Variants in KCNG2 observed in about 807,000 individuals in gnomAD.
The protein encoded by KCNG2 is voltage-gated potassium channel regulatory subunit KCNG2.
In KCNG2, 7 loss-of-function variants were observed where a neutral mutation model predicts 12.3. That is an observed-to-expected ratio of 0.57 (90% CI 0.32 to 1.07). The LOEUF (loss-of-function observed/expected upper bound fraction) is 1.07, where lower values mean the gene tolerates loss of function less well. Ranked by LOEUF, KCNG2 falls within the 50% of genes least tolerant of loss-of-function variation. The pLI is 0.04. For missense variants in KCNG2, 703 were observed against 726.0 expected, an observed-to-expected ratio of 0.97 and a Z score of 0.36; for synonymous variants, 414 against 351.4, an observed-to-expected ratio of 1.18 and a Z score of -1.99.
chr18:79,859,181 G>A lies in KCNG2; in HGVS notation c.-41+2729G>A, dbSNP rs1400685735. On this transcript the variant is annotated intron_variant, in intron 2 of 3. Transcript: ENST00000316249. ...AGATGTACAGTCTGTTTTCTTCTAC[G>A]TGTGTTTTGGAGTTTTAGCTCTTAC... 2.6e-5 allele frequency among the ~76,000 whole-genome samples: 4 copies of A among 152,110 alleles called. No homozygotes were observed. The South Asian group carries it at 6.2e-4, about 24-fold the overall frequency.
At chr18:79,846,787 GT>G (rs1370580063) in intron 1 of KCNG2, among the ~76,000 whole-genome samples, 5 of 152,200 alleles carry the variant, frequency 3.3e-5, no homozygotes, top group African/African-American at 1.2e-4. Flanking sequence ...TGTTTAGATG[GT>G]TTTTCCAGTT....
intron 1 of KCNG2, among the ~76,000 whole-genome samples, chr18:79,848,589 C>T (rs774884753): frequency 1.6e-4 from 24 of 152,248 alleles, no homozygotes; most frequent in Non-Finnish European, 3.4e-4. Context: ...CCATGAAGTC[C>T]GTCTCACAGG....
rs991008269 is a variant in KCNG2, at chr18:79,873,389, C to T, written c.624+9098C>T. 4.0e-5 allele frequency among the ~76,000 whole-genome samples: 6 copies of T among 151,420 alleles called. No homozygotes were observed. In the East Asian group the frequency reaches 5.9e-4, roughly 15 times the overall value. ...CACTCCCGTTCCCTCTGTCACTCCC[C>T]GTGCTGGCCCACGGGTGCCGCTCCT... On this transcript the variant is annotated intron_variant, in intron 3 of 3. Coordinates refer to ENST00000316249, the MANE Select transcript of KCNG2 (RefSeq NM_012283.2).
At chr18:79,874,257 G>C (rs1979978217) in intron 3 of KCNG2, among the ~76,000 whole-genome samples, 1 of 152,230 alleles carries the variant, frequency 6.6e-6, no homozygotes, top group Non-Finnish European at 1.5e-5. Flanking sequence ...ATCAGTCATA[G>C]AAAACTTAAT....
In KCNG2 at chr18:79,866,471, TGG is replaced by T. The variant is rs1403743072; in HGVS notation, c.624+2182_624+2183del. ...TGCTGAGAGTGTGGGTGCTGAGGTCTGGGTGCTGAGGTCTGTGTGCTGAGAGG... is the reference window on the plus strand; with the variant it reads ...TGCTGAGAGTGTGGGTGCTGAGGTCTGTGCTGAGGTCTGTGTGCTGAGAGG... On this transcript the variant is annotated intron_variant, in intron 3 of 3. Transcript: ENST00000316249. Among the ~76,000 whole-genome samples, 727 of 112,190 alleles carry T rather than the reference TGG, an allele frequency of 6.5e-3. 44 individuals carry two copies. The highest frequency in any genetic ancestry group is 0.024 in the African/African-American group (700 of 29,346). 73.6% of individuals were successfully genotyped at this position (112,190 alleles called of 152,430 possible). A position where few individuals can be genotyped will look rare whatever the true frequency, so the allele number is the denominator to read the frequency against.
intron 1 of KCNG2, among the ~76,000 whole-genome samples, chr18:79,799,914 G>T (rs986401981): frequency 5.9e-5 from 9 of 152,192 alleles, no homozygotes; most frequent in Non-Finnish European, 1.3e-4. Context: ...GGGTCATGCT[G>T]GTAGGAACAG....
In KCNG2 at chr18:79,899,972, G is replaced by A. The variant is rs569272864; in HGVS notation, c.*156G>A. On this transcript the variant is annotated 3_prime_UTR_variant, in exon 4 of 4. Coordinates refer to ENST00000316249, the MANE Select transcript of KCNG2 (RefSeq NM_012283.2). ...TGCGTGAGCAGCCCCAGAACTTGGC[G>A]GGGCCCTGCCTGACTCCCCGTGGCA... 30 of 627,096 alleles carry A rather than the reference G, an allele frequency of 4.8e-5. No homozygotes were observed. The highest frequency in any genetic ancestry group is 3.7e-4 in the African/African-American group (19 of 52,048). 38.8% of individuals were successfully genotyped at this position (627,096 alleles called of 1,614,324 possible).
chr18:79,863,025 G>A (rs1979280281), intron 2 of KCNG2, among the ~76,000 whole-genome samples: 1 of 152,332 alleles, frequency 6.6e-6, no homozygotes, highest in South Asian at 2.1e-4. Context: ...CAAGCTTTTG[G>A]TTAGTTTCCA....
intron 1 of KCNG2, among the ~76,000 whole-genome samples, chr18:79,855,023 G>GT (rs956942080): frequency 1.3e-5 from 2 of 151,988 alleles, no homozygotes; most frequent in South Asian, 2.1e-4. Flanking sequence ...TTCTCTGGGG[G>GT]TTTTTTTGTT....
At chr18:79,896,625 G>A (rs79262969) in intron 3 of KCNG2, among the ~76,000 whole-genome samples, 11,098 of 152,118 alleles carry the variant, frequency 0.073, 934 homozygotes, top group South Asian at 0.32. Context: ...GTTCAAATCC[G>A]TTAAAAAATT....
intron 2 of KCNG2, among the ~76,000 whole-genome samples, chr18:79,860,934 GT>G (rs1979191018): frequency 6.6e-6 from 1 of 152,220 alleles, no homozygotes; most frequent in Admixed American, 6.5e-5. Context: ...TGACTATGGA[GT>G]TAGCGGTGAG....
At chr18:79,839,797 G>A (rs1291493974) in intron 1 of KCNG2, among the ~76,000 whole-genome samples, 6 of 152,208 alleles carry the variant, frequency 3.9e-5, no homozygotes, top group Admixed American at 3.9e-4. Context: ...GCCAAGTGGA[G>A]AGTTTATTCC....
chr18:79,879,954 C>A (rs1052524230), intron 3 of KCNG2, among the ~76,000 whole-genome samples: 1 of 152,176 alleles, frequency 6.6e-6, no homozygotes, highest in African/African-American at 2.4e-5. Context: ...CATAAAACTT[C>A]AGGAGAAACA....
intron 1 of KCNG2, chr18:79,815,947 G>C (rs549016159): frequency 6.6e-6 from 1 of 152,258 alleles, no homozygotes; most frequent in Non-Finnish European, 1.5e-5. Flanking sequence ...ATGCAGAGAC[G>C]AGAGGGAAAG....
intron 1 of KCNG2, among the ~76,000 whole-genome samples, chr18:79,832,043 C>A (rs931359251): frequency 6.6e-6 from 1 of 152,190 alleles, no homozygotes. Flanking sequence ...GCTAGGCACC[C>A]CCGGGCAGAG....
intron 2 of KCNG2, among the ~76,000 whole-genome samples, chr18:79,857,229 C>T (rs190982678): frequency 1.0e-4 from 15 of 149,550 alleles, no homozygotes; most frequent in African/African-American, 3.7e-4. Flanking sequence ...GCACACATAA[C>T]CATTTGAATC....
chr18:79,801,138 G>C lies in KCNG2; in HGVS notation c.-115+3124G>C, dbSNP rs189887182. 3.8e-3 allele frequency among the ~76,000 whole-genome samples: 584 copies of C among 152,368 alleles called. 1 individual carries two copies. The highest frequency in any genetic ancestry group is 6.5e-3 in the Admixed American group (99 of 15,314). ...GTCAGATGAGAGGGTTGAACTGAAT[G>C]ATGACGCCCTGACCTGTGTCAAAAT... On this transcript the variant is annotated intron_variant, in intron 1 of 3. Transcript: ENST00000316249.
At position 79,833,294 on chromosome 18, in the gene KCNG2, C is replaced by A. The variant is rs113585221; in HGVS notation, c.-114-23085C>A. ...GGGACTACAGGTGTGTGCTACCACA[C>A]CTGGCTAATTTCTTGTTTATTTTTT... On this transcript the variant is annotated intron_variant, in intron 1 of 3. Coordinates refer to ENST00000316249, the MANE Select transcript of KCNG2 (RefSeq NM_012283.2). Among the ~76,000 whole-genome samples the A allele has an allele frequency of 4.8e-3, 731 of 152,234 alleles. 9 individuals carry two copies. The highest frequency in any genetic ancestry group is 0.017 in the African/African-American group (692 of 41,540).
chr18:79,826,298 G>A (rs868443024), intron 1 of KCNG2, among the ~76,000 whole-genome samples: 1 of 152,260 alleles, frequency 6.6e-6, no homozygotes, highest in African/African-American at 2.4e-5. Context: ...AGAGCTGCAG[G>A]GAAAGCAGGT....
Sources: gnomAD v4.1 joint callset for allele counts (sites outside exome capture counted in the v4.1 genomes callset) on GRCh38, gnomAD v4.1.1 for gene constraint, MANE v1.5 for transcripts, NCBI Gene and HGNC (gene_info 2026-07-23, HGNC 2026-07-21) for gene names.